The following ENDOD1 variants were observed in gnomAD, a reference collection of about 807,000 sequenced individuals.
ENDOD1 encodes endonuclease domain containing 1.
Under a neutral mutation model 6.5 loss-of-function variants are expected in ENDOD1, and 9 were observed. The observed-to-expected ratio is 1.39, with a 90% confidence interval of 0.84 to 2.43. The LOEUF is 2.43. Among genes scored for constraint, ENDOD1 ranks in the 30% most tolerant of loss-of-function variants. ENDOD1 has a pLI of 0.00. For missense variants in ENDOD1, 648 were observed against 635.5 expected, an observed-to-expected ratio of 1.02 and a Z score of -0.21; for synonymous variants, 255 against 255.2, an observed-to-expected ratio of 1.00 and a Z score of 0.01.
At chr11:95,116,320 C>G (rs1380916772) in intron 1 of ENDOD1, among the ~76,000 whole-genome samples, 3 of 152,120 alleles carry the variant, frequency 2.0e-5, no homozygotes, top group African/African-American at 7.2e-5. Context: ...TTTTGAATTT[C>G]TGTGGTACAG....
chr11:95,101,563 T>C (rs1859041447), intron 1 of ENDOD1, among the ~76,000 whole-genome samples: 1 of 152,058 alleles, frequency 6.6e-6, no homozygotes. Context: ...TGGTGAAAAT[T>C]TTTTTTTAGC....
intron 1 of ENDOD1, among the ~76,000 whole-genome samples, chr11:95,099,481 A>G (rs640221): frequency 0.77 from 117,066 of 152,174 alleles, 45,844 homozygotes; most frequent in East Asian, 0.89. Context: ...CCGCTCCTTG[A>G]GCAGAGGTGG....
chr11:95,099,519 T>G (rs782669054), intron 1 of ENDOD1, among the ~76,000 whole-genome samples: 43 of 152,224 alleles, frequency 2.8e-4, no homozygotes, highest in Non-Finnish European at 5.7e-4. Context: ...CATCCAGCCC[T>G]AGTCTGTTCA....
At chr11:95,093,236 C>CA (rs1456797370) in intron 1 of ENDOD1, among the ~76,000 whole-genome samples, 1 of 152,246 alleles carries the variant, frequency 6.6e-6, no homozygotes, top group African/African-American at 2.4e-5. Flanking sequence ...TCTAGTTTCT[C>CA]ACCATGCTCC....
intron 1 of ENDOD1, among the ~76,000 whole-genome samples, chr11:95,117,891 T>G (rs1425337605): frequency 6.6e-6 from 1 of 152,196 alleles, no homozygotes; most frequent in Non-Finnish European, 1.5e-5. Context: ...GGGATATGAT[T>G]TAGTTTCTTG....
At chr11:95,102,609 T>C (rs1271483493) in intron 1 of ENDOD1, among the ~76,000 whole-genome samples, 1 of 152,116 alleles carries the variant, frequency 6.6e-6, no homozygotes, top group East Asian at 1.9e-4. Context: ...GAGACAGAGG[T>C]TGCAGTGAGC....
chr11:95,108,534 C>CACACACACACACACAAAAA (rs1176686943), intron 1 of ENDOD1, among the ~76,000 whole-genome samples: 2 of 141,756 alleles, frequency 1.4e-5, no homozygotes, highest in African/African-American at 5.1e-5. Flanking sequence ...CACAGACACC[C>CACACACACACACACAAAAA]AAAAAAAGAA....
intron 1 of ENDOD1, among the ~76,000 whole-genome samples, chr11:95,119,510 AACAG>A (rs1314906446): frequency 6.6e-6 from 1 of 152,140 alleles, no homozygotes; most frequent in Non-Finnish European, 1.5e-5. Context: ...CTTTCTCTCA[AACAG>A]ACAGAGTCTC....
intron 1 of ENDOD1, among the ~76,000 whole-genome samples, chr11:95,126,510 G>A (rs982532861): frequency 6.6e-6 from 1 of 152,066 alleles, no homozygotes; most frequent in South Asian, 2.1e-4. Context: ...TGCATCCCCA[G>A]GAATCAAACA....
At chr11:95,115,816 T>C (rs1008859902) in intron 1 of ENDOD1, among the ~76,000 whole-genome samples, 11 of 152,138 alleles carry the variant, frequency 7.2e-5, no homozygotes, top group African/African-American at 9.7e-5. Context: ...TGTTCAACCA[T>C]CCTTGCATCC....
intron 1 of ENDOD1, among the ~76,000 whole-genome samples, chr11:95,101,224 T>C (rs1859037554): frequency 6.6e-6 from 1 of 152,236 alleles, no homozygotes; most frequent in Non-Finnish European, 1.5e-5. Flanking sequence ...TGAATGAGTA[T>C]GGCTATGTTC....
intron 1 of ENDOD1, among the ~76,000 whole-genome samples, chr11:95,091,157 C>T (rs1417120135): frequency 6.6e-6 from 1 of 152,156 alleles, no homozygotes; most frequent in African/African-American, 2.4e-5. Flanking sequence ...CTCTAGAACA[C>T]CCTGCCAGAC....
chr11:95,104,291 A>G (rs566323955), intron 1 of ENDOD1, among the ~76,000 whole-genome samples: 52 of 152,256 alleles, frequency 3.4e-4, no homozygotes, highest in African/African-American at 1.2e-3. Flanking sequence ...TACTAAAAAT[A>G]GAAAACATTA....
chr11:95,114,645 T>G (rs1212746294), intron 1 of ENDOD1, among the ~76,000 whole-genome samples: 3 of 152,230 alleles, frequency 2.0e-5, no homozygotes, highest in African/African-American at 4.8e-5. Context: ...ATTTAAGTTT[T>G]CATCCATTTT....
rs909907484 is a variant in ENDOD1, at chr11:95,130,651, T to A, written c.*1072T>A. On this transcript the variant is annotated 3_prime_UTR_variant, in exon 2 of 2. Coordinates refer to ENST00000278505, the MANE Select transcript of ENDOD1 (RefSeq NM_015036.3). Reference sequence around the variant, plus strand: ...ATAGAAAAGAGCCACAAAATAAAGATAAAAGTTATTGTGGCCATCTCTGAA... The same window carrying A: ...ATAGAAAAGAGCCACAAAATAAAGAAAAAAGTTATTGTGGCCATCTCTGAA... 6.6e-6 allele frequency: 1 copy of A among 152,160 alleles called. No homozygotes were observed. The highest frequency in any genetic ancestry group is 2.4e-5 in the African/African-American group (1 of 41,446). 9.4% of individuals were successfully genotyped at this position (152,160 alleles called of 1,614,324 possible).
intron 1 of ENDOD1, among the ~76,000 whole-genome samples, chr11:95,127,659 G>A (rs1188072974): frequency 6.6e-6 from 1 of 152,106 alleles, no homozygotes; most frequent in Non-Finnish European, 1.5e-5. Context: ...GGCTTTATGG[G>A]CCTGTTGAGA....
chr11:95,127,698 A>C (rs1227881097), intron 1 of ENDOD1, among the ~76,000 whole-genome samples: 2 of 152,160 alleles, frequency 1.3e-5, no homozygotes, highest in African/African-American at 2.4e-5. Context: ...TCTTTTTTAG[A>C]ATTACTTTGA....
intron 1 of ENDOD1, among the ~76,000 whole-genome samples, chr11:95,095,808 T>C (rs1858978412): frequency 6.6e-6 from 1 of 152,214 alleles, no homozygotes; most frequent in South Asian, 2.1e-4. Context: ...TGGCAAAACC[T>C]GGACAGGAGT....
chr11:95,129,550 G>A lies in ENDOD1; in HGVS notation c.1474G>A (p.Val492Ile), dbSNP rs1425598627. The change falls in exon 2 of 2, where the codon GTT (valine) becomes ATT (isoleucine). Residue 492 changes from valine to isoleucine, a missense_variant. By Grantham distance (29) the Val-to-Ile change is conservative. Coordinates refer to ENST00000278505, the MANE Select transcript of ENDOD1 (RefSeq NM_015036.3). ...FSVCKRIGYK[V>I]TFDNSGEL ...TGTCTGCAAGCGGATTGGCTACAAGGTTACTTTTGACAATTCTGGGGAGTT... is the reference window on the plus strand; with the variant it reads ...TGTCTGCAAGCGGATTGGCTACAAGATTACTTTTGACAATTCTGGGGAGTT... The A allele has an allele frequency of 1.9e-6, 3 of 1,613,418 alleles. No individual in the cohort carries two copies. Among genetic ancestry groups the A allele is most frequent in the South Asian group, 1.1e-5 (1 of 90,944 alleles).
Sources: allele counts gnomAD v4.1 joint callset (sites outside exome capture counted in the v4.1 genomes callset), GRCh38; gene constraint gnomAD v4.1.1; transcripts MANE v1.5; gene names NCBI Gene and HGNC (gene_info 2026-07-23, HGNC 2026-07-21).